Variants in KCNIP4 observed in about 807,000 individuals in gnomAD.
KCNIP4 encodes potassium voltage-gated channel interacting protein 4, also known as Kv channel-interacting protein 4.
A neutral mutation model predicts 34.0 loss-of-function variants in KCNIP4; 12 were observed. The ratio of observed to expected loss-of-function variants is 0.35; its 90% CI spans 0.23 to 0.57. The LOEUF is 0.57. Ranked by LOEUF, KCNIP4 falls within the 20% of genes least tolerant of loss-of-function variation. The pLI is 0.83. For missense variants in KCNIP4, 238 were observed against 311.7 expected, an observed-to-expected ratio of 0.76 and a Z score of 1.78; for synonymous variants, 124 against 102.2, an observed-to-expected ratio of 1.21 and a Z score of -1.29.
At position 20,729,427 on chromosome 4, in the gene KCNIP4, T is replaced by TTAAAATAAG. The variant is rs1204958998; in HGVS notation, c.*646_*654dup. 1 of 152,146 alleles carries TTAAAATAAG rather than the reference T, an allele frequency of 6.6e-6. No individual in the cohort carries two copies. Among genetic ancestry groups the TTAAAATAAG allele is most frequent in the Non-Finnish European group, 1.5e-5 (1 of 67,976 alleles). The allele number at this position is 152,146 out of a possible 1,614,324, so 9.4% of individuals were successfully genotyped here. A position where few individuals can be genotyped will look rare whatever the true frequency, so the allele number is the denominator to read the frequency against. Reference sequence around the variant, plus strand: ...CATATTATGGAAAATTAAATGCTTATTAAAATAAGTTTTATTAGGCATATG... The same window carrying TTAAAATAAG: ...CATATTATGGAAAATTAAATGCTTATTAAAATAAGTAAAATAAGTTTTATTAGGCATATG... On this transcript the variant is annotated 3_prime_UTR_variant, in exon 9 of 9. Coordinates refer to ENST00000382152, the MANE Select transcript of KCNIP4 (RefSeq NM_025221.6).
chr4:20,825,225 GTTTTTTTT>G (rs71181592), intron 3 of KCNIP4, among the ~76,000 whole-genome samples: 8,843 of 113,654 alleles, frequency 0.078, 266 homozygotes, highest in Middle Eastern at 0.13. Context: ...TCAATTTTAC[GTTTTTTTT>G]TTTTTTTTTT....
chr4:20,998,320 G>A (rs1050331255), intron 1 of KCNIP4, among the ~76,000 whole-genome samples: 6 of 152,130 alleles, frequency 3.9e-5, no homozygotes, highest in African/African-American at 7.2e-5. Context: ...TGAAAGTTTC[G>A]TCCCAGCACC....
At chr4:21,429,014 T>G (rs889978199) in intron 1 of KCNIP4, among the ~76,000 whole-genome samples, 14 of 152,110 alleles carry the variant, frequency 9.2e-5, no homozygotes, top group Non-Finnish European at 1.9e-4. Flanking sequence ...TACATTAGGG[T>G]TCATGCTTGA....
chr4:21,734,453 A>G (rs182740728), intron 1 of KCNIP4, among the ~76,000 whole-genome samples: 1 of 152,334 alleles, frequency 6.6e-6, no homozygotes, highest in Admixed American at 6.5e-5. Context: ...ACTGAAATGG[A>G]AAATATATAA....
chr4:21,155,419 C>G (rs1303845219), intron 1 of KCNIP4, among the ~76,000 whole-genome samples: 1 of 152,128 alleles, frequency 6.6e-6, no homozygotes, highest in Non-Finnish European at 1.5e-5. Flanking sequence ...GGCATATTTA[C>G]AAGAGAAGGT....
At position 21,111,443 on chromosome 4, in the gene KCNIP4, A is replaced by G. The variant is rs371812514; in HGVS notation, c.62-228734T>C. Among the ~76,000 whole-genome samples the G allele has an allele frequency of 6.7e-4, 102 of 152,306 alleles. 1 individual carries two copies. The South Asian group carries it at 0.02, about 30-fold the overall frequency. ...CCCAAACAGATTTAGAGAGTCAGGT[A>G]TAGGAAGAATGTGGCAACCATCTCC... On this transcript the variant is annotated intron_variant, in intron 1 of 8. Coordinates refer to ENST00000382152, the MANE Select transcript of KCNIP4 (RefSeq NM_025221.6).
intron 1 of KCNIP4, among the ~76,000 whole-genome samples, chr4:21,834,910 T>C (rs1205881171): frequency 6.6e-6 from 1 of 152,168 alleles, no homozygotes; most frequent in African/African-American, 2.4e-5. Flanking sequence ...GATTTGCATA[T>C]ATTGAACCAG....
chr4:21,033,499 G>A (rs1485256497), intron 1 of KCNIP4, among the ~76,000 whole-genome samples: 2 of 152,142 alleles, frequency 1.3e-5, no homozygotes, highest in African/African-American at 2.4e-5. Context: ...TTGGCCCTAG[G>A]GGCATGCATA....
chr4:20,965,484 A>C (rs543275984), intron 1 of KCNIP4, among the ~76,000 whole-genome samples: 8 of 152,112 alleles, frequency 5.3e-5, no homozygotes, highest in Admixed American at 4.6e-4. Context: ...ATTTCCCTCC[A>C]TTTCCAATCT....
chr4:21,257,753 AAAAAAAAAAAAAGAAAGAAAG>A (rs1761164712), intron 1 of KCNIP4, among the ~76,000 whole-genome samples: 1 of 103,270 alleles, frequency 9.7e-6, no homozygotes, highest in Admixed American at 8.8e-5. Flanking sequence ...CAGTCTCAAA[AAAAAAAAAAAAAGAAAGAAAG>A]AAAAAGAAAC....
At chr4:21,746,095 C>T (rs2109136892) in intron 1 of KCNIP4, among the ~76,000 whole-genome samples, 1 of 152,200 alleles carries the variant, frequency 6.6e-6, no homozygotes, top group Middle Eastern at 3.4e-3. Context: ...CATAGCTGTC[C>T]TCAGTCTTTG....
At chr4:21,749,345 TC>T (rs1158925304) in intron 1 of KCNIP4, among the ~76,000 whole-genome samples, 1 of 152,166 alleles carries the variant, frequency 6.6e-6, no homozygotes, top group African/African-American at 2.4e-5. Flanking sequence ...GAGCATTTTG[TC>T]AATGTTGGGT....
intron 1 of KCNIP4, among the ~76,000 whole-genome samples, 193 bp downstream of exon 1, chr4:21,948,378 C>A (rs1420508163): frequency 1.3e-5 from 2 of 152,118 alleles, no homozygotes; most frequent in Non-Finnish European, 2.9e-5. Context: ...CTGGATCTTG[C>A]ATGCACCCCC....
intron 1 of KCNIP4, chr4:20,916,244 C>T (rs1465638453): frequency 1.2e-6 from 1 of 802,380 alleles, no homozygotes; most frequent in East Asian, 1.3e-4. Context: ...TGATTTCTGC[C>T]CCAAAGAGCT....
At chr4:21,209,233 C>A (rs1045452037) in intron 1 of KCNIP4, among the ~76,000 whole-genome samples, 1 of 152,158 alleles carries the variant, frequency 6.6e-6, no homozygotes, top group Non-Finnish European at 1.5e-5. Flanking sequence ...TATCCGTCAT[C>A]TTAAAACATT....
At chr4:20,785,798 C>T (rs1711905136) in intron 3 of KCNIP4, among the ~76,000 whole-genome samples, 1 of 151,556 alleles carries the variant, frequency 6.6e-6, no homozygotes, top group South Asian at 2.1e-4. Flanking sequence ...TTGTAAGTCC[C>T]CAATCTATAA....
intron 3 of KCNIP4, among the ~76,000 whole-genome samples, chr4:20,782,613 T>G (rs1756969954): frequency 6.6e-6 from 1 of 152,138 alleles, no homozygotes; most frequent in Non-Finnish European, 1.5e-5. Context: ...CTGGAGCAGC[T>G]GGGATGCAGG....
intron 1 of KCNIP4, among the ~76,000 whole-genome samples, chr4:20,914,244 A>G (rs907809917): frequency 4.1e-4 from 63 of 152,184 alleles, no homozygotes; most frequent in African/African-American, 1.5e-3. Flanking sequence ...CAATTGTTTT[A>G]TCTATTATTA....
At chr4:20,810,555 T>G (rs757586384) in intron 3 of KCNIP4, among the ~76,000 whole-genome samples, 11 of 152,038 alleles carry the variant, frequency 7.2e-5, no homozygotes, top group Non-Finnish European at 1.3e-4. Flanking sequence ...AATTCTGAAT[T>G]TGCAACTAAC....
Sources: gnomAD v4.1 joint callset for allele counts (sites outside exome capture counted in the v4.1 genomes callset) on GRCh38, gnomAD v4.1.1 for gene constraint, MANE v1.5 for transcripts, NCBI Gene and HGNC (gene_info 2026-07-23, HGNC 2026-07-21) for gene names.